PARL: variants seen among roughly 807,000 people sequenced by gnomAD.
PARL encodes the protein presenilin associated rhomboid like.
Under a neutral mutation model 51.6 loss-of-function variants are expected in PARL, and 44 were observed. That is an observed-to-expected ratio of 0.85 (90% confidence interval 0.67 to 1.10). PARL has a LOEUF of 1.10. Among genes scored for constraint, PARL ranks in the 50% least tolerant of loss-of-function variants. PARL has a pLI of 0.00. For synonymous variants in PARL, 172 were observed against 164.0 expected, an observed-to-expected ratio of 1.05 and a Z score of -0.37; for missense variants, 441 against 469.5, an observed-to-expected ratio of 0.94 and a Z score of 0.56.
At chr3:183,837,906 G>A (rs1039532542) in intron 7 of PARL, among the ~76,000 whole-genome samples, 1 of 152,102 alleles carries the variant, frequency 6.6e-6, no homozygotes, top group Non-Finnish European at 1.5e-5. Context: ...GAGCCCAGGA[G>A]TTTGAGACCA....
chr3:183,838,372 C>T (rs948034412), intron 7 of PARL, among the ~76,000 whole-genome samples: 1 of 152,186 alleles, frequency 6.6e-6, no homozygotes, highest in African/African-American at 2.4e-5. Flanking sequence ...AGGACTAACG[C>T]TTTACATTTT....
intron 4 of PARL, chr3:183,846,521 C>A (rs988601439): frequency 5.7e-5 from 56 of 983,656 alleles, no homozygotes; most frequent in Non-Finnish European, 6.3e-5. Context: ...GGAAAGATAA[C>A]CAAAGACATT....
intron 1 of PARL, among the ~76,000 whole-genome samples, chr3:183,878,466 T>C (rs372872420): frequency 2.6e-5 from 4 of 152,324 alleles, no homozygotes; most frequent in East Asian, 3.9e-4. Context: ...GAGGCAGTTA[T>C]GCTTCCTAGT....
chr3:183,851,099 A>G (rs545841999), intron 4 of PARL, among the ~76,000 whole-genome samples: 1 of 152,198 alleles, frequency 6.6e-6, no homozygotes. Context: ...GATAGCCATA[A>G]GCACAGAATG....
chr3:183,875,185 C>T (rs1232837659), intron 1 of PARL, among the ~76,000 whole-genome samples: 3 of 152,028 alleles, frequency 2.0e-5, no homozygotes, highest in African/African-American at 7.2e-5. Flanking sequence ...GAGACCAAGA[C>T]GAGAGGATCA....
intron 4 of PARL, among the ~76,000 whole-genome samples, chr3:183,848,294 T>G (rs1378572999): frequency 6.6e-6 from 1 of 152,166 alleles, no homozygotes. Flanking sequence ...CAGGCTGGAG[T>G]GCAGTGGCGC....
chr3:183,868,925 AC>A (rs994558161), intron 1 of PARL, among the ~76,000 whole-genome samples: 2 of 152,050 alleles, frequency 1.3e-5, no homozygotes, highest in Non-Finnish European at 2.9e-5. Flanking sequence ...GTGAGCTGTT[AC>A]CCCAACAGTT....
chr3:183,860,218 A>C (rs1016928954), intron 4 of PARL, among the ~76,000 whole-genome samples: 5 of 152,224 alleles, frequency 3.3e-5, no homozygotes, highest in African/African-American at 1.2e-4. Flanking sequence ...CAGCAAGGAA[A>C]GCTGGACTAA....
chr3:183,844,464 A>T (rs373930443), intron 4 of PARL, 138 bp from the exon 5 acceptor site: 27 of 656,882 alleles, frequency 4.1e-5, no homozygotes, highest in Admixed American at 1.8e-4. Flanking sequence ...GAGCCAAAAA[A>T]AAGCAAGTGA....
intron 4 of PARL, chr3:183,846,631 T>C (rs993963633): frequency 2.0e-6 from 2 of 985,404 alleles, no homozygotes; most frequent in Non-Finnish European, 2.4e-6. Flanking sequence ...AAACAGACTG[T>C]AGCCAAAATC....
chr3:183,840,439 T>A lies in PARL; in HGVS notation c.828+131A>T. On this transcript the variant is annotated intron_variant, in intron 7 of 9. Coordinates refer to ENST00000317096, the MANE Select transcript of PARL (RefSeq NM_018622.7). ...TTCAATGTTAATTTCTTGGTTTCGA[T>A]GTTAGTTAACAGTAGGGTGAAGGGT... 3 of 556,656 alleles carry A rather than the reference T, an allele frequency of 5.4e-6. No individual in the cohort carries two copies. In the South Asian group the frequency reaches 8.3e-5, roughly 15 times the overall value. 34.5% of individuals were successfully genotyped at this position (556,656 alleles called of 1,614,324 possible).
intron 1 of PARL, among the ~76,000 whole-genome samples, chr3:183,870,906 AAT>A (rs1254538808): frequency 6.6e-6 from 1 of 152,030 alleles, no homozygotes; most frequent in African/African-American, 2.4e-5. Flanking sequence ...GATTTCAGTT[AAT>A]ATATCTCCTC....
intron 1 of PARL, among the ~76,000 whole-genome samples, chr3:183,873,148 A>G (rs1462950668): frequency 6.6e-6 from 1 of 152,210 alleles, no homozygotes; most frequent in Non-Finnish European, 1.5e-5. Context: ...CAAAACAAGT[A>G]ATGCCACTTT....
At chr3:183,882,251 A>G (rs866213766) in intron 1 of PARL, among the ~76,000 whole-genome samples, 1 of 50,688 alleles carries the variant, frequency 2.0e-5, no homozygotes, top group Non-Finnish European at 4.3e-5. Context: ...ATATTTATAT[A>G]TATATATATA....
At chr3:183,877,803 AC>A (rs1248766747) in intron 1 of PARL, among the ~76,000 whole-genome samples, 1 of 118,150 alleles carries the variant, frequency 8.5e-6, no homozygotes, top group Non-Finnish European at 1.8e-5. Context: ...ATAATTTATT[AC>A]TTTTTTTTTT....
At chr3:183,882,229 AT>A (rs1734558995) in intron 1 of PARL, among the ~76,000 whole-genome samples, 2 of 27,692 alleles carry the variant, frequency 7.2e-5, no homozygotes, top group African/African-American at 1.3e-4. Flanking sequence ...AAAAATATAT[AT>A]ATATATATAT....
intron 1 of PARL, chr3:183,879,600 T>G: frequency 3.9e-6 from 1 of 256,698 alleles, no homozygotes; most frequent in Non-Finnish European, 6.1e-6. Flanking sequence ...CCCTAATTGT[T>G]TAGGTCAGTT....
In PARL at chr3:183,842,279, C is replaced by T. The variant is rs368951697; in HGVS notation, c.757+19G>A. ...AGAGTGCTTATACTCTCAAAGGCCC[C>T]GAGATTAAAGCATATTACCTGCAGA... On this transcript the variant is annotated intron_variant, in intron 6 of 9. Coordinates refer to ENST00000317096, the MANE Select transcript of PARL (RefSeq NM_018622.7). 18 of 1,610,554 alleles carry T rather than the reference C, an allele frequency of 1.1e-5. No homozygotes were observed. Among genetic ancestry groups the T allele is most frequent in the African/African-American group, 6.7e-5 (5 of 74,790 alleles).
At chr3:183,880,710 CT>C (rs1267763721) in intron 1 of PARL, among the ~76,000 whole-genome samples, 5 of 150,838 alleles carry the variant, frequency 3.3e-5, no homozygotes, top group Non-Finnish European at 7.4e-5. Context: ...CCAGCTCAGA[CT>C]TTTTTTTTAA....
Sources: gnomAD v4.1 joint callset for allele counts (sites outside exome capture counted in the v4.1 genomes callset) on GRCh38, gnomAD v4.1.1 for gene constraint, MANE v1.5 for transcripts, NCBI Gene and HGNC (gene_info 2026-07-23, HGNC 2026-07-21) for gene names.